Variants in FAM171A1 observed in about 807,000 individuals in gnomAD.
The protein encoded by FAM171A1 is family with sequence similarity 171 member A1.
In FAM171A1, 23 loss-of-function variants were observed where a neutral mutation model predicts 74.9. The observed-to-expected ratio is 0.31, with a 90% CI of 0.22 to 0.44. The LOEUF (loss-of-function observed/expected upper bound fraction) is 0.44. Among genes scored for constraint, FAM171A1 ranks in the 20% least tolerant of loss-of-function variants. FAM171A1 has a pLI of 1.00. For synonymous variants in FAM171A1, 527 were observed against 505.7 expected (o/e 1.04, Z -0.57); for missense variants, 1,162 against 1,159.2 (o/e 1.00, Z -0.03).
rs994257196 is a variant in FAM171A1 at position 15,312,816 on chromosome 10, G to T, written c.98-28711C>A. ...AGGTCTAAGCGATTCTCCTGCCTCA[G>T]CCTCCTGAGTAGCTGGGATTACAGG... is the stretch of plus-strand genomic sequence containing the variant. On this transcript the variant is annotated intron_variant, in intron 1 of 7. Transcript: ENST00000378116. Among the ~76,000 whole-genome samples the T allele has an allele frequency of 4.0e-5, 6 of 148,908 alleles. No individual in the cohort carries two copies. In the East Asian group the frequency reaches 1.2e-3, roughly 31 times the overall value.
intron 1 of FAM171A1, among the ~76,000 whole-genome samples, chr10:15,297,510 A>G (rs1835175399): frequency 6.6e-6 from 1 of 152,208 alleles, no homozygotes; most frequent in South Asian, 2.1e-4. Flanking sequence ...GCTGCTTCCC[A>G]TAAGAAATTT....
intron 3 of FAM171A1, among the ~76,000 whole-genome samples, chr10:15,265,840 G>T (rs1834733344): frequency 6.6e-6 from 1 of 152,050 alleles, no homozygotes; most frequent in African/African-American, 2.4e-5. Flanking sequence ...AGGAAAGGGG[G>T]GTATCATGGA....
chr10:15,328,919 CT>C (rs1835592049), intron 1 of FAM171A1, among the ~76,000 whole-genome samples: 1 of 151,984 alleles, frequency 6.6e-6, no homozygotes, highest in African/African-American at 2.4e-5. Flanking sequence ...ATATGTCATC[CT>C]GGCAAACATG....
rs757042569 is a variant in FAM171A1, at chr10:15,327,388, G to A, written c.98-43283C>T. On this transcript the variant is annotated intron_variant, in intron 1 of 7. Coordinates refer to ENST00000378116, the MANE Select transcript of FAM171A1 (RefSeq NM_001010924.2). ...AATATGACTGGGCACGGTGGCTCAC[G>A]TCCGTTATCTCAGCACTTTGGGAGG... Among the ~76,000 whole-genome samples, 22 of 152,278 alleles carry A rather than the reference G, an allele frequency of 1.4e-4. No individual in the cohort carries two copies. In the Middle Eastern group the frequency reaches 0.014, roughly 94 times the overall value.
chr10:15,342,117 G>C (rs1835771236), intron 1 of FAM171A1, among the ~76,000 whole-genome samples: 1 of 152,192 alleles, frequency 6.6e-6, no homozygotes, highest in Admixed American at 6.5e-5. Flanking sequence ...CATGAAATTG[G>C]GGCTACAAAC....
At chr10:15,369,983 G>A (rs1038752591) in intron 1 of FAM171A1, among the ~76,000 whole-genome samples, 1 of 152,164 alleles carries the variant, frequency 6.6e-6, no homozygotes, top group African/African-American at 2.4e-5. Flanking sequence ...GCTCATCTGC[G>A]GGCCTCAGTG....
intron 2 of FAM171A1, among the ~76,000 whole-genome samples, chr10:15,283,066 G>A (rs964110552): frequency 6.6e-6 from 1 of 152,142 alleles, no homozygotes; most frequent in African/African-American, 2.4e-5. Context: ...CAATGACTGC[G>A]ACACCCATTC....
At chr10:15,236,619 C>G (rs1366952180) in intron 5 of FAM171A1, among the ~76,000 whole-genome samples, 1 of 152,150 alleles carries the variant, frequency 6.6e-6, no homozygotes, top group Admixed American at 6.6e-5. Flanking sequence ...TGTGTCTCAT[C>G]CAGTGCAATA....
intron 5 of FAM171A1, among the ~76,000 whole-genome samples, chr10:15,244,862 C>T (rs1174222731): frequency 2.0e-5 from 3 of 151,972 alleles, no homozygotes; most frequent in Admixed American, 6.6e-5. Context: ...AGGATGAGGC[C>T]GGGGAGGAGA....
At chr10:15,232,389 CCTT>C (rs1302580384) in intron 5 of FAM171A1, among the ~76,000 whole-genome samples, 1 of 152,202 alleles carries the variant, frequency 6.6e-6, no homozygotes, top group Non-Finnish European at 1.5e-5. Flanking sequence ...TTCTCGGTCT[CCTT>C]CTTCTAGAAC....
intron 1 of FAM171A1, among the ~76,000 whole-genome samples, chr10:15,332,125 T>G (rs1044913331): frequency 2.6e-5 from 4 of 151,624 alleles, no homozygotes; most frequent in African/African-American, 9.7e-5. Context: ...GCTAATTTTT[T>G]GTATTTTTAG....
At chr10:15,268,985 T>A (rs1191618380) in intron 3 of FAM171A1, among the ~76,000 whole-genome samples, 1 of 152,194 alleles carries the variant, frequency 6.6e-6, no homozygotes, top group Non-Finnish European at 1.5e-5. Flanking sequence ...GATATTGCAG[T>A]GAGCCAAGAT....
chr10:15,360,120 A>G (rs973828025), intron 1 of FAM171A1, among the ~76,000 whole-genome samples: 1 of 152,068 alleles, frequency 6.6e-6, no homozygotes, highest in Non-Finnish European at 1.5e-5. Context: ...ATTTGTAGAG[A>G]TGAAGTCCTG....
At chr10:15,359,917 AT>A (rs750452679) in intron 1 of FAM171A1, among the ~76,000 whole-genome samples, 2 of 152,216 alleles carry the variant, frequency 1.3e-5, no homozygotes, top group South Asian at 4.1e-4. Context: ...AAAAAGGAAC[AT>A]GGCCCAGCTG....
chr10:15,234,803 C>T (rs763470814), intron 5 of FAM171A1, among the ~76,000 whole-genome samples: 1 of 151,798 alleles, frequency 6.6e-6, no homozygotes, highest in Non-Finnish European at 1.5e-5. Context: ...CAGGCACCCA[C>T]CACCACGCCC....
intron 1 of FAM171A1, among the ~76,000 whole-genome samples, chr10:15,342,290 C>A (rs1459839993): frequency 6.6e-6 from 1 of 152,164 alleles, no homozygotes; most frequent in Non-Finnish European, 1.5e-5. Flanking sequence ...GTGTTGCTGG[C>A]CAGGTGTGGT....
Position 15,213,136 on chromosome 10 carries a change from C to G in FAM171A1, c.2452G>C (p.Glu818Gln). The G allele has an allele frequency of 1.9e-6, 3 of 1,614,102 alleles. No individual in the cohort carries two copies. The highest frequency in any genetic ancestry group is 1.7e-6 in the Non-Finnish European group (2 of 1,179,980). Residue 818 changes from glutamate to glutamine, a missense_variant, in exon 8 of 8, where the codon GAG (glutamate) becomes CAG (glutamine). Coordinates refer to ENST00000378116, the MANE Select transcript of FAM171A1 (RefSeq NM_001010924.2). The surrounding 1 kb of genome is among the most constrained non-coding windows in gnomAD (Gnocchi z 6.8). ...CCACCACTTCTCCGACTCGACCCCT[C>G]CAACAAGCATCGCAGGGCACTGTCC... ...PEDSALRCLL[E>Q]GSSRRSGGQL...
chr10:15,351,682 C>T (rs986257994), intron 1 of FAM171A1, among the ~76,000 whole-genome samples: 18 of 149,704 alleles, frequency 1.2e-4, no homozygotes, highest in South Asian at 2.1e-4. Flanking sequence ...GATGCATGGA[C>T]GGATGGATGG....
Position 15,370,967 on chromosome 10 carries a change from G to T in FAM171A1, c.86C>A (p.Ala29Asp). 1 of 1,176,890 alleles carries T rather than the reference G, an allele frequency of 8.5e-7. No homozygotes were observed. Among genetic ancestry groups the T allele is most frequent in the Non-Finnish European group, 1.1e-6 (1 of 931,016 alleles). 72.9% of individuals were successfully genotyped at this position (1,176,890 alleles called of 1,614,324 possible). A position where few individuals can be genotyped will look rare whatever the true frequency, so the allele number is the denominator to read the frequency against. ...CGCCGCCCACTGACCTTGGGCTCCG[G>T]CGCCGGGCTCCCGCAGCGTCTTGGT... is the stretch of plus-strand genomic sequence containing the variant. ...AVTKTLREPGAGAQEVTLKVH... is the reference protein window; with the variant it reads ...AVTKTLREPGDGAQEVTLKVH... The change falls in exon 1 of 8, where the codon GCC (alanine) becomes GAC (aspartate). Residue 29 changes from alanine (A) to aspartate (D), a missense_variant. Transcript: ENST00000378116.
Sources: gnomAD v4.1 joint callset for allele counts (sites outside exome capture counted in the v4.1 genomes callset) on GRCh38, gnomAD v4.1.1 for gene constraint, Gnocchi (gnomAD v3.1) non-coding constraint, MANE v1.5 for transcripts, NCBI Gene and HGNC (gene_info 2026-07-23, HGNC 2026-07-21) for gene names.